VWA8: variants seen among roughly 807,000 people sequenced by gnomAD.
VWA8 encodes von Willebrand factor A domain-containing protein 8.
In VWA8, 221 loss-of-function variants were observed where a neutral mutation model predicts 241.5. The observed-to-expected ratio is 0.91, with a 90% CI of 0.82 to 1.02. The LOEUF (loss-of-function observed/expected upper bound fraction) is 1.02, where lower values mean the gene tolerates loss of function less well. Ranked by LOEUF, VWA8 falls within the 50% of genes least tolerant of loss-of-function variation. The pLI, the probability that VWA8 is intolerant of heterozygous loss-of-function variation, is 0.00. For missense variants in VWA8, 2,322 were observed against 2,328.7 expected (o/e 1.00, Z 0.06); for synonymous variants, 852 against 827.1 (o/e 1.03, Z -0.52).
intron 12 of VWA8, among the ~76,000 whole-genome samples, chr13:41,845,194 A>G (rs1872233081): frequency 6.6e-6 from 1 of 152,122 alleles, no homozygotes; most frequent in Admixed American, 6.6e-5. Context: ...CATACGAAAA[A>G]ATGCTCAACA....
chr13:41,907,729 T>C, intron 3 of VWA8, 33 bp from the exon 4 acceptor site: 2 of 1,579,774 alleles, frequency 1.3e-6, no homozygotes, highest in East Asian at 2.2e-5. Flanking sequence ...ATTCCAAAAA[T>C]AAAATCAAAT....
intron 4 of VWA8, among the ~76,000 whole-genome samples, chr13:41,895,192 C>A (rs558464242): frequency 6.6e-6 from 1 of 151,976 alleles, no homozygotes; most frequent in Non-Finnish European, 1.5e-5. Context: ...ACATATCAGG[C>A]GCTTCCAAGT....
chr13:41,753,870 T>G (rs2137895937), intron 21 of VWA8, among the ~76,000 whole-genome samples: 1 of 152,308 alleles, frequency 6.6e-6, no homozygotes, highest in Middle Eastern at 3.4e-3. Context: ...AAGTGGATTA[T>G]CCATAGATTA....
chr13:41,887,251 G>T lies in VWA8; in HGVS notation c.762C>A (p.Asp254Glu), dbSNP rs770743555. The change falls in exon 6 of 45, where the codon GAC (aspartate) becomes GAA (glutamate). Residue 254 changes from aspartate (D) to glutamate (E), a missense_variant. By Grantham distance (45) the Asp-to-Glu change is conservative. Coordinates refer to ENST00000379310, the MANE Select transcript of VWA8 (RefSeq NM_015058.2). ...CTTGAAATCGAGAACGAAGAGGGGG[G>T]TCTAATGGATTCCCAGAATACCTTG... The part of the protein sequence containing the change: ...PVPRYSGNPL[D>E]PPLRSRFQAR... The T allele has an allele frequency of 2.5e-6, 4 of 1,613,694 alleles. No individual in the cohort carries two copies. The highest frequency in any genetic ancestry group is 2.5e-6 in the Non-Finnish European group (3 of 1,179,842).
intron 21 of VWA8, among the ~76,000 whole-genome samples, chr13:41,758,397 A>AT (rs1566444703): frequency 2.2e-3 from 19 of 8,624 alleles, no homozygotes; most frequent in Admixed American, 4.1e-3. Context: ...TATATACGCT[A>AT]GTATATATAT....
chr13:41,636,488 A>G (rs2044757598), intron 37 of VWA8, among the ~76,000 whole-genome samples: 1 of 152,218 alleles, frequency 6.6e-6, no homozygotes, highest in Non-Finnish European at 1.5e-5. Context: ...AAGAAAACCT[A>G]GGCAATACCA....
intron 1 of VWA8, among the ~76,000 whole-genome samples, chr13:41,954,396 C>A (rs1160242045): frequency 6.6e-6 from 1 of 152,182 alleles, no homozygotes; most frequent in Non-Finnish European, 1.5e-5. Flanking sequence ...CTCTAACCAG[C>A]TCCACCTCTT....
At chr13:41,640,031 T>C (rs564871894) in intron 37 of VWA8, among the ~76,000 whole-genome samples, 7 of 152,210 alleles carry the variant, frequency 4.6e-5, no homozygotes, top group South Asian at 2.1e-4. Context: ...TTTATGTGGG[T>C]CACATCACTA....
chr13:41,946,857 T>A (rs920320439), intron 2 of VWA8, among the ~76,000 whole-genome samples: 5 of 152,180 alleles, frequency 3.3e-5, no homozygotes, highest in Non-Finnish European at 5.9e-5. Context: ...GTGTACTTCC[T>A]TGTAAAATCC....
intron 12 of VWA8, among the ~76,000 whole-genome samples, chr13:41,856,807 T>C (rs1872769667): frequency 6.9e-6 from 1 of 143,890 alleles, no homozygotes; most frequent in Admixed American, 7.2e-5. Context: ...CTGGGTGACA[T>C]AGCCAGGCCT....
At chr13:41,842,008 G>A (rs924331664) in intron 12 of VWA8, among the ~76,000 whole-genome samples, 2 of 150,766 alleles carry the variant, frequency 1.3e-5, no homozygotes, top group South Asian at 4.2e-4. Flanking sequence ...TATTATACCA[G>A]GAAAATACCA....
At chr13:41,881,895 T>C (rs1233822472) in intron 9 of VWA8, among the ~76,000 whole-genome samples, 1 of 127,192 alleles carries the variant, frequency 7.9e-6, no homozygotes, top group Non-Finnish European at 1.7e-5. Context: ...GCGGCTGGCC[T>C]GGCGGGGGCT....
At chr13:41,941,786 T>C (rs1004185262) in intron 2 of VWA8, among the ~76,000 whole-genome samples, 4 of 152,206 alleles carry the variant, frequency 2.6e-5, no homozygotes, top group African/African-American at 9.6e-5. Flanking sequence ...TTAATCATTA[T>C]AATATATCTG....
intron 42 of VWA8, among the ~76,000 whole-genome samples, chr13:41,582,592 T>A (rs759204500): frequency 3.9e-5 from 6 of 152,230 alleles, no homozygotes; most frequent in Non-Finnish European, 7.3e-5. Flanking sequence ...TATTTTTCTC[T>A]AGGAGCTCCT....
intron 40 of VWA8, among the ~76,000 whole-genome samples, chr13:41,592,918 G>A (rs2044465801): frequency 6.6e-6 from 1 of 152,084 alleles, no homozygotes; most frequent in African/African-American, 2.4e-5. Context: ...ATCTTACTTG[G>A]CATCAGCTAA....
chr13:41,808,236 C>A lies in VWA8; in HGVS notation c.2063+2989G>T, dbSNP rs575049936. The stretch of plus-strand genomic sequence containing the variant: ...ATGAAAGCCATATATGACAGACCTA[C>A]AGCTAGTATCATACTTGTGTTAGTC... On this transcript the variant is annotated intron_variant, in intron 17 of 44. Transcript: ENST00000379310. Among the ~76,000 whole-genome samples the A allele has an allele frequency of 2.0e-5, 3 of 152,266 alleles. No homozygotes were observed. The East Asian group carries it at 5.8e-4, about 29-fold the overall frequency.
At chr13:41,685,806 C>G (rs1183321371) in intron 34 of VWA8, among the ~76,000 whole-genome samples, 1 of 152,088 alleles carries the variant, frequency 6.6e-6, no homozygotes, top group East Asian at 1.9e-4. Flanking sequence ...TGATTGGGCC[C>G]CTTCCCAGTC....
At chr13:41,862,112 G>A (rs1279733829) in intron 12 of VWA8, among the ~76,000 whole-genome samples, 1 of 152,082 alleles carries the variant, frequency 6.6e-6, no homozygotes, top group Non-Finnish European at 1.5e-5. Flanking sequence ...TAGACCAATG[G>A]AATGGGAAGT....
Position 41,675,225 on chromosome 13 carries a change from G to T in VWA8, c.4399C>A (p.Pro1467Thr). ...DLQSKKLRYI[P>T]IPRSESLSPY... ...GGTGAAATGGATTACCTGGGAATAG[G>T]GATATATCGGAGTTTCTTTGATTGA... The change falls in exon 36 of 45, where the codon CCT becomes ACT. Residue 1467 changes from proline (P) to threonine (T), a missense_variant. Transcript: ENST00000379310. The T allele has an allele frequency of 6.2e-7, 1 of 1,610,146 alleles. No homozygotes were observed. Among genetic ancestry groups the T allele is most frequent in the Non-Finnish European group, 8.5e-7 (1 of 1,177,042 alleles).
Sources: gnomAD v4.1 joint callset for allele counts (sites outside exome capture counted in the v4.1 genomes callset) on GRCh38, gnomAD v4.1.1 for gene constraint, MANE v1.5 for transcripts, NCBI Gene and HGNC (gene_info 2026-07-23, HGNC 2026-07-21) for gene names.